PXDN: variants seen among roughly 807,000 people sequenced by gnomAD.
PXDN encodes the protein peroxidasin homolog.
A neutral mutation model predicts 140.3 loss-of-function variants in PXDN; 77 were observed. That is an observed-to-expected ratio of 0.55 (90% CI 0.46 to 0.66). The LOEUF (loss-of-function observed/expected upper bound fraction) is 0.66, where lower values mean the gene tolerates loss of function less well. PXDN is among the 30% of genes least tolerant of loss of function. The pLI, the probability that PXDN is intolerant of heterozygous loss-of-function variation, is 0.00. For missense variants in PXDN, 1,838 were observed against 2,039.5 expected (o/e 0.90, Z 1.90); for synonymous variants, 911 against 857.4 (o/e 1.06, Z -1.09).
At chr2:1,658,064 CTCTCTCTCTCTCTCTCTCT>C (rs1339789668) in intron 14 of PXDN, among the ~76,000 whole-genome samples, 1 of 109,222 alleles carries the variant, frequency 9.2e-6, no homozygotes, top group African/African-American at 3.6e-5. Flanking sequence ...CTCTCTCTCT[CTCTCTCTCTCTCTCTCTCT>C]CTCTCTCTCT....
At chr2:1,659,041 C>T (rs949812304) in intron 14 of PXDN, among the ~76,000 whole-genome samples, 4 of 152,216 alleles carry the variant, frequency 2.6e-5, no homozygotes, top group Admixed American at 1.3e-4. Context: ...TGGCTCAGCA[C>T]TGAGGACAGA....
rs772534828 is a variant in PXDN at position 1,663,749 on chromosome 2, C to G, written c.1423G>C (p.Val475Leu). The stretch of plus-strand genomic sequence containing the variant: ...GACAGGACCAGGTGCCGCCGGTCCA[C>G]GGAGAGCTGGCTCCCTGCAAGGGCA... ...AWTKGGSQLS[V>L]DRRHLVLSSG... The change falls in exon 12 of 23, where the codon GTG (valine) becomes CTG (leucine). Residue 475 changes from valine (V) to leucine (L), a missense_variant. Val to Leu is a conservative substitution (Grantham distance 32). This residue lies in a region of PXDN where 537 missense variants were observed against 583.9 expected (regional missense o/e 0.92). Transcript: ENST00000252804. 1 of 1,612,718 alleles carries G rather than the reference C, an allele frequency of 6.2e-7. No individual in the cohort carries two copies.
rs963774054 is a variant in PXDN at position 1,632,461 on chromosome 2, G to T, written c.*1743C>A. Reference sequence around the variant, plus strand: ...CATTTGACTTGCTATTTCAAAAGAAGTCCACATGTCATGAAACACCAACCA... The same window carrying T: ...CATTTGACTTGCTATTTCAAAAGAATTCCACATGTCATGAAACACCAACCA... On this transcript the variant is annotated 3_prime_UTR_variant, in exon 23 of 23. Coordinates refer to ENST00000252804, the MANE Select transcript of PXDN (RefSeq NM_012293.3). The surrounding 1 kb of genome is among the most constrained non-coding windows in gnomAD (Gnocchi z 4.3). The T allele has an allele frequency of 6.6e-6, 1 of 152,186 alleles. No homozygotes were observed. The highest frequency in any genetic ancestry group is 1.5e-5 in the Non-Finnish European group (1 of 68,034). The allele number at this position is 152,186 out of a possible 1,614,324, so 9.4% of individuals were successfully genotyped here.
At position 1,648,390 on chromosome 2, in the gene PXDN, C is replaced by A. The variant is rs756063526; in HGVS notation, c.3390G>T (p.Val1130=). 1.9e-6 allele frequency: 3 copies of A among 1,612,772 alleles called. No individual in the cohort carries two copies. The highest frequency in any genetic ancestry group is 2.5e-6 in the Non-Finnish European group (3 of 1,179,894). ...GCTCCGTGTTCAGCAGCTGCGAGGG[C>A]ACACGCATTTTCCCCGCCACCCCGA... ...GLFGVAGKMR[V]PSQLLNTELT... Residue 1130 remains valine (V), a synonymous_variant, in exon 17 of 23, where the codon GTG becomes GTT. Transcript: ENST00000252804. The surrounding 1 kb of genome is among the most constrained non-coding windows in gnomAD (Gnocchi z 8.9).
intron 1 of PXDN, among the ~76,000 whole-genome samples, chr2:1,717,336 T>C (rs1304341187): frequency 2.0e-5 from 3 of 152,132 alleles, no homozygotes; most frequent in Non-Finnish European, 4.4e-5. Context: ...CAAGGCCTCT[T>C]TGTTCTCGGT....
chr2:1,653,382 C>T, intron 16 of PXDN: 1 of 547,346 alleles, frequency 1.8e-6, no homozygotes, highest in Non-Finnish European at 3.4e-6. Context: ...GGCAGGTGGA[C>T]CTGCTGTAGC....
At chr2:1,736,056 G>A (rs1009895564) in intron 1 of PXDN, among the ~76,000 whole-genome samples, 1 of 152,152 alleles carries the variant, frequency 6.6e-6, no homozygotes. Context: ...AGCTCCAAAC[G>A]TTCCTTCTGC....
At chr2:1,672,884 G>A (rs1683608791) in intron 9 of PXDN, among the ~76,000 whole-genome samples, 1 of 152,244 alleles carries the variant, frequency 6.6e-6, no homozygotes, top group Admixed American at 6.5e-5. Flanking sequence ...GTTTCAGAGA[G>A]GAAGTTACAC....
chr2:1,712,740 T>G (rs927950295), intron 1 of PXDN, among the ~76,000 whole-genome samples: 1 of 152,228 alleles, frequency 6.6e-6, no homozygotes, highest in East Asian at 1.9e-4. Flanking sequence ...TCTTTTTTTT[T>G]GGAGACGGAG....
At chr2:1,680,095 GGTGTGTGGATGTT>G in intron 7 of PXDN, 85 bp downstream of exon 7, 1 of 1,206,372 alleles carries the variant, frequency 8.3e-7, no homozygotes, top group African/African-American at 1.6e-5. Context: ...GTGTGTGTGT[GGTGTGTGGATGTT>G]GTGTGTGTAG....
intron 1 of PXDN, among the ~76,000 whole-genome samples, chr2:1,712,128 G>A (rs1321546698): frequency 1.3e-5 from 2 of 152,156 alleles, no homozygotes; most frequent in African/African-American, 4.8e-5. Flanking sequence ...AGAAAAGAAG[G>A]AACTGAGATA....
chr2:1,704,847 T>C (rs969413804), intron 1 of PXDN, among the ~76,000 whole-genome samples: 1 of 152,156 alleles, frequency 6.6e-6, no homozygotes, highest in Non-Finnish European at 1.5e-5. Flanking sequence ...AGTTCCCAGC[T>C]TGACTCTTCC....
rs79442404 is a variant in PXDN, at chr2:1,649,140, G to C, written c.2640C>G (p.Arg880=). 4.7e-4 allele frequency: 756 copies of C among 1,612,694 alleles called. 6 individuals carry two copies. The East Asian group carries it at 0.014, about 31-fold the overall frequency. The change falls in exon 17 of 23, where the codon CGC becomes CGG. Residue 880 remains arginine (R), a synonymous_variant. Transcript: ENST00000252804. This position sits in a 1 kb window ranked among gnomAD's most constrained non-coding sequence, Gnocchi z 7.1. ...TGCCGCTGCCGCACACAGGGCTGGAGCGCACGAAGAACATGCAGCGGGCCC... is the reference window on the plus strand; with the variant it reads ...TGCCGCTGCCGCACACAGGGCTGGACCGCACGAAGAACATGCAGCGGGCCC... ...RSGARCMFFV[R]SSPVCGSGMT...
At chr2:1,688,597 T>C (rs13432234) in intron 3 of PXDN, among the ~76,000 whole-genome samples, 40,963 of 152,174 alleles carry the variant, frequency 0.27, 5,666 homozygotes, top group East Asian at 0.34. Flanking sequence ...GGCCAGCAGC[T>C]TGGGGGACCC....
At chr2:1,738,267 T>C (rs1019327251) in intron 1 of PXDN, among the ~76,000 whole-genome samples, 2 of 152,120 alleles carry the variant, frequency 1.3e-5, no homozygotes, top group Admixed American at 6.5e-5. Flanking sequence ...ACGAGAGAGC[T>C]CACGTGTTGG....
intron 1 of PXDN, among the ~76,000 whole-genome samples, chr2:1,709,166 C>T (rs1294051061): frequency 5.9e-5 from 9 of 152,206 alleles, no homozygotes; most frequent in Admixed American, 1.3e-4. Context: ...TTGGTACTAG[C>T]GACACATCTG....
At chr2:1,735,717 G>A (rs556769507) in intron 1 of PXDN, among the ~76,000 whole-genome samples, 9 of 152,266 alleles carry the variant, frequency 5.9e-5, no homozygotes, top group Admixed American at 4.6e-4. Flanking sequence ...CTAGGGTTGG[G>A]GAATGGTAAA....
At chr2:1,715,540 C>T (rs1684874513) in intron 1 of PXDN, among the ~76,000 whole-genome samples, 1 of 152,198 alleles carries the variant, frequency 6.6e-6, no homozygotes, top group Non-Finnish European at 1.5e-5. Flanking sequence ...TATCTTCTAA[C>T]TCAAGGAACA....
intron 1 of PXDN, among the ~76,000 whole-genome samples, chr2:1,729,619 C>G (rs1390832648): frequency 6.6e-6 from 1 of 152,060 alleles, no homozygotes; most frequent in East Asian, 1.9e-4. Flanking sequence ...GTACACCACT[C>G]GGGTGATGGG....
Sources: allele counts gnomAD v4.1 joint callset (sites outside exome capture counted in the v4.1 genomes callset), GRCh38; gene constraint gnomAD v4.1.1; regional missense constraint gnomAD v4.1.1; non-coding constraint Gnocchi (gnomAD v3.1); transcripts MANE v1.5; gene names NCBI Gene and HGNC (gene_info 2026-07-23, HGNC 2026-07-21).